The following OPTC variants were observed in gnomAD, a reference collection of about 807,000 sequenced individuals.
OPTC encodes the protein opticin.
Under a neutral mutation model 25.4 loss-of-function variants are expected in OPTC, and 22 were observed. The observed-to-expected ratio is 0.87, with a 90% CI of 0.62 to 1.24. The LOEUF (loss-of-function observed/expected upper bound fraction) is 1.24, where lower values mean the gene tolerates loss of function less well. OPTC is among the 50% of genes most tolerant of loss of function. The pLI is 0.00. For missense variants in OPTC, 417 were observed against 425.2 expected, an observed-to-expected ratio of 0.98 and a Z score of 0.17; for synonymous variants, 169 against 179.3, an observed-to-expected ratio of 0.94 and a Z score of 0.46.
In OPTC at chr1:203,502,825, G is replaced by A; in HGVS notation, c.733-89G>A. 5 of 995,802 alleles carry A rather than the reference G, an allele frequency of 5.0e-6. No individual in the cohort carries two copies. In the Admixed American group the frequency reaches 9.3e-5, roughly 19 times the overall value. 61.7% of individuals were successfully genotyped at this position (995,802 alleles called of 1,614,324 possible). ...TAAGTGAGCCCTGAGTGAACAAATG[G>A]GGCCACCTGTCTCTGGTCTCATAGC... On this transcript the variant is annotated intron_variant, in intron 5 of 7. Transcript: ENST00000367222.
chr1:203,503,562 G>C lies in OPTC; in HGVS notation c.841G>C (p.Glu281Gln), dbSNP rs1264098714. The C allele has an allele frequency of 1.9e-6, 3 of 1,613,442 alleles. No homozygotes were observed. Among genetic ancestry groups the C allele is most frequent in the Non-Finnish European group, 2.5e-6 (3 of 1,180,026 alleles). Residue 281 changes from glutamate (E) to glutamine (Q), a missense_variant, in exon 7 of 8, where the codon GAG (glutamate) becomes CAG (glutamine). Transcript: ENST00000367222. ...GTGTTCTTCCCAGAATAACCTGATA[G>C]AGACCATGCAGAGAGACGTCTTCTG... Reference protein sequence around the residue: ...RSVHLQNNLIETMQRDVFCDP... With the variant: ...RSVHLQNNLIQTMQRDVFCDP...
chr1:203,494,829 C>T (rs1257357518), intron 1 of OPTC, among the ~76,000 whole-genome samples: 2 of 152,058 alleles, frequency 1.3e-5, no homozygotes, highest in South Asian at 2.1e-4. Flanking sequence ...TTTCCTGACC[C>T]GTCTATACAT....
In OPTC at chr1:203,499,832, T is replaced by C; in HGVS notation, c.713T>C (p.Ile238Thr). The change falls in exon 5 of 8, where the codon ATA (isoleucine) becomes ACA (threonine). Residue 238 changes from isoleucine (I) to threonine (T), a missense_variant. Physicochemically the swap from Ile to Thr is moderately conservative, Grantham distance 89 (BLOSUM62 -1). Coordinates refer to ENST00000367222, the MANE Select transcript of OPTC (RefSeq NM_014359.4). ...VRLNRLQSSG[I>T]QPAAFRAMEK... ...CTAAATCGGCTCCAGAGCTCGGGGATACAGCCTGCAGCCTTCAGGGTGAGT... is the reference window on the plus strand; with the variant it reads ...CTAAATCGGCTCCAGAGCTCGGGGACACAGCCTGCAGCCTTCAGGGTGAGT... 2 of 1,612,210 alleles carry C rather than the reference T, an allele frequency of 1.2e-6. No homozygotes were observed. The highest frequency in any genetic ancestry group is 1.7e-6 in the Non-Finnish European group (2 of 1,179,818).
At chr1:203,503,143 G>A in intron 6 of OPTC, 134 bp downstream of exon 6, 3 of 731,584 alleles carry the variant, frequency 4.1e-6, no homozygotes, top group Middle Eastern at 6.2e-4. Flanking sequence ...GGGTTTATTG[G>A]AGACAAGGAT....
chr1:203,495,898 C>T lies in OPTC; in HGVS notation c.-41-67C>T, dbSNP rs1178643732. ...GTGGGAAGTGGAGTAAATCTGCGAG[C>T]CATTCCCACAACACTCTGGAGAGCC... On this transcript the variant is annotated intron_variant, in intron 1 of 7. Transcript: ENST00000367222. 1.4e-5 allele frequency: 11 copies of T among 763,172 alleles called. No homozygotes were observed. The South Asian group carries it at 1.5e-4, about 10-fold the overall frequency. 47.3% of individuals were successfully genotyped at this position (763,172 alleles called of 1,614,324 possible). A position where few individuals can be genotyped will look rare whatever the true frequency, so the allele number is the denominator to read the frequency against.
intron 7 of OPTC, 53 bp downstream of exon 7, chr1:203,503,798 A>C: frequency 6.8e-7 from 1 of 1,459,984 alleles, no homozygotes; most frequent in Non-Finnish European, 9.5e-7. Context: ...ATAAAGCCCA[A>C]TTCCTTATCT....
intron 5 of OPTC, among the ~76,000 whole-genome samples, chr1:203,502,000 G>T (rs1250510753): frequency 6.6e-6 from 1 of 152,138 alleles, no homozygotes; most frequent in Non-Finnish European, 1.5e-5. Flanking sequence ...ACCTGGGTTT[G>T]TGCGAGAGTC....
At chr1:203,499,605 G>A in intron 4 of OPTC, 44 bp from the exon 5 acceptor site, 4 of 1,512,612 alleles carry the variant, frequency 2.6e-6, no homozygotes, top group Non-Finnish European at 3.7e-6. Context: ...AGGAAAGATA[G>A]TGTGTTCTGG....
At chr1:203,503,389 C>T (rs1661422923) in intron 6 of OPTC, among the ~76,000 whole-genome samples, 161 bp from the exon 7 acceptor site, 1 of 152,088 alleles carries the variant, frequency 6.6e-6, no homozygotes, top group African/African-American at 2.4e-5. Context: ...CCCTGGGGCT[C>T]CTCTTCTCAC....
intron 7 of OPTC, among the ~76,000 whole-genome samples, chr1:203,504,860 G>A (rs1661452724): frequency 6.6e-6 from 1 of 152,198 alleles, no homozygotes; most frequent in South Asian, 2.1e-4. Flanking sequence ...ACCACCAGAG[G>A]GCAGCCTTGT....
intron 3 of OPTC, among the ~76,000 whole-genome samples, chr1:203,497,646 G>C (rs1228953826): frequency 6.6e-6 from 1 of 152,166 alleles, no homozygotes; most frequent in African/African-American, 2.4e-5. Context: ...GAAATCAGAA[G>C]TGGGCAGAGG....
chr1:203,496,327 T>C, intron 2 of OPTC, 91 bp downstream of exon 2: 1 of 851,976 alleles, frequency 1.2e-6, no homozygotes. Context: ...TGCGGGTGTC[T>C]CCAGCCTCCA....
chr1:203,506,150 TTC>T (rs776799092), intron 7 of OPTC, among the ~76,000 whole-genome samples: 5 of 146,630 alleles, frequency 3.4e-5, no homozygotes, highest in African/African-American at 5.0e-5. Flanking sequence ...ATTTTCTTTT[TTC>T]TTTTTTTTTT....
At chr1:203,506,155 T>TTC (rs1661482444) in intron 7 of OPTC, among the ~76,000 whole-genome samples, 1 of 149,902 alleles carries the variant, frequency 6.7e-6, no homozygotes, top group Non-Finnish European at 1.5e-5. Flanking sequence ...CTTTTTTCTT[T>TTC]TTTTTTTTTT....
At position 203,502,915 on chromosome 1, in the gene OPTC, C is replaced by T. The variant is rs538582043; in HGVS notation, c.734C>T (p.Ala245Val). 6.2e-7 allele frequency: 1 copy of T among 1,613,608 alleles called. No individual in the cohort carries two copies. Among genetic ancestry groups the T allele is most frequent in the Non-Finnish European group, 8.5e-7 (1 of 1,179,704 alleles). ...SSGIQPAAFR[A>V]MEKLQFLYLS... is the part of the protein sequence containing the mutation. The stretch of plus-strand genomic sequence containing the variant: ...CTACACTCTTTGCTTTCTCCACAGG[C>T]AATGGAGAAGCTGCAGTTCCTTTAC... Residue 245 changes from alanine (A) to valine (V), a missense_variant and splice_region_variant, in exon 6 of 8, where the codon GCA (alanine) becomes GTA (valine). Transcript: ENST00000367222.
intron 7 of OPTC, among the ~76,000 whole-genome samples, chr1:203,506,012 C>T (rs1487891303): frequency 6.6e-6 from 1 of 152,062 alleles, no homozygotes; most frequent in Non-Finnish European, 1.5e-5. Flanking sequence ...ATCCACCAAT[C>T]CTATCCCCTT....
At chr1:203,495,865 G>A in intron 1 of OPTC, 100 bp from the exon 2 acceptor site, 1 of 693,434 alleles carries the variant, frequency 1.4e-6, no homozygotes, top group East Asian at 2.7e-5. Flanking sequence ...GAGTCTGCAA[G>A]TGTGGGGGTG....
intron 7 of OPTC, among the ~76,000 whole-genome samples, chr1:203,507,643 C>T (rs944204712): frequency 4.6e-5 from 7 of 152,178 alleles, no homozygotes; most frequent in Non-Finnish European, 8.8e-5. Context: ...TGAGTATCAG[C>T]GGGAGGAGGT....
At chr1:203,507,434 T>A (rs1289052995) in intron 7 of OPTC, among the ~76,000 whole-genome samples, 2 of 152,148 alleles carry the variant, frequency 1.3e-5, no homozygotes, top group Non-Finnish European at 2.9e-5. Context: ...CACATCCACC[T>A]CCTCCAACAC....
Sources: gnomAD v4.1 joint callset for allele counts (sites outside exome capture counted in the v4.1 genomes callset) on GRCh38, gnomAD v4.1.1 for gene constraint, MANE v1.5 for transcripts, NCBI Gene and HGNC (gene_info 2026-07-23, HGNC 2026-07-21) for gene names.